CCDC172: variants seen among roughly 807,000 people sequenced by gnomAD.
The protein encoded by CCDC172 is coiled-coil domain-containing protein 172.
CCDC172 carries 30 observed loss-of-function variants against 38.0 expected under a neutral mutation model. The observed-to-expected ratio is 0.79, with a 90% CI of 0.59 to 1.07. The LOEUF (loss-of-function observed/expected upper bound fraction) is 1.07, where lower values mean the gene tolerates loss of function less well. Ranked by LOEUF, CCDC172 falls within the 50% of genes least tolerant of loss-of-function variation. CCDC172 has a pLI of 0.00. For synonymous variants in CCDC172, 78 were observed against 88.3 expected (o/e 0.88, Z 0.66); for missense variants, 297 against 290.1 (o/e 1.02, Z -0.17).
chr10:116,368,638 C>T (rs1804226669), intron 7 of CCDC172, among the ~76,000 whole-genome samples: 2 of 151,876 alleles, frequency 1.3e-5, no homozygotes, highest in African/African-American at 4.8e-5. Context: ...TCTTCTTTTA[C>T]ATACCTCCCT....
intron 8 of CCDC172, among the ~76,000 whole-genome samples, chr10:116,379,101 T>C (rs999281358): frequency 6.6e-6 from 1 of 152,176 alleles, no homozygotes; most frequent in African/African-American, 2.4e-5. Flanking sequence ...TCTTAAAATG[T>C]AGTTTTAATT....
At chr10:116,364,334 G>A (rs570387559) in intron 7 of CCDC172, among the ~76,000 whole-genome samples, 2 of 152,172 alleles carry the variant, frequency 1.3e-5, no homozygotes, top group South Asian at 2.1e-4. Flanking sequence ...ACTTATACAT[G>A]GCTGGTGGCA....
At chr10:116,373,039 AAAG>A (rs1845204641) in intron 7 of CCDC172, among the ~76,000 whole-genome samples, 1 of 152,164 alleles carries the variant, frequency 6.6e-6, no homozygotes, top group Non-Finnish European at 1.5e-5. Flanking sequence ...AGTTTTTCAG[AAAG>A]AAGGACTATA....
At chr10:116,365,514 CATCCAT>C (rs1198403176) in intron 7 of CCDC172, among the ~76,000 whole-genome samples, 1 of 152,140 alleles carries the variant, frequency 6.6e-6, no homozygotes, top group Non-Finnish European at 1.5e-5. Flanking sequence ...TCAATAGCAG[CATCCAT>C]AGTATATTGT....
chr10:116,324,989 G>T lies in CCDC172; in HGVS notation c.-23G>T, dbSNP rs774999350. 12 of 1,593,488 alleles carry T rather than the reference G, an allele frequency of 7.5e-6. No individual in the cohort carries two copies. Among genetic ancestry groups the T allele is most frequent in the Non-Finnish European group, 3.4e-6 (4 of 1,161,398 alleles). On this transcript the variant is annotated 5_prime_UTR_variant, in exon 2 of 9. Coordinates refer to ENST00000333254, the MANE Select transcript of CCDC172 (RefSeq NM_198515.3). Reference sequence around the variant, plus strand: ...ATAAAATATTTAAGGGCGAGAAAAGGATCGCAGGAGCCAGGCCCTGAGATG... The same window carrying T: ...ATAAAATATTTAAGGGCGAGAAAAGTATCGCAGGAGCCAGGCCCTGAGATG...
chr10:116,353,273 A>G (rs1025414957), intron 5 of CCDC172, among the ~76,000 whole-genome samples: 15 of 152,174 alleles, frequency 9.9e-5, no homozygotes, highest in Admixed American at 3.9e-4. Context: ...AGCTAAATGT[A>G]AGAGCTAAAA....
intron 3 of CCDC172, 69 bp from the exon 4 acceptor site, chr10:116,340,665 T>C: frequency 2.7e-6 from 2 of 743,662 alleles, no homozygotes; most frequent in Non-Finnish European, 4.6e-6. Context: ...AAATCTTCTC[T>C]GTTACCTAAG....
intron 7 of CCDC172, among the ~76,000 whole-genome samples, chr10:116,365,588 T>C (rs1384700502): frequency 1.3e-5 from 2 of 152,236 alleles, no homozygotes; most frequent in African/African-American, 4.8e-5. Flanking sequence ...AGGGTTTTTA[T>C]ACATGTGTAA....
chr10:116,355,412 CTT>C (rs1844984137), intron 5 of CCDC172, among the ~76,000 whole-genome samples: 2 of 152,162 alleles, frequency 1.3e-5, no homozygotes, highest in African/African-American at 4.8e-5. Context: ...GCTACCCCAT[CTT>C]AGTGAGTGTG....
Position 116,325,533 on chromosome 10 carries a change from G to T in CCDC172, c.165+145G>T, listed in dbSNP as rs537340688. The stretch of plus-strand genomic sequence containing the variant: ...TGGCTGTTTTAGTTCCATGTTGCCT[G>T]GTGATGTTTAAAGTTCTGAATCCCG... On this transcript the variant is annotated intron_variant, in intron 3 of 8. Transcript: ENST00000333254. 8 of 613,622 alleles carry T rather than the reference G, an allele frequency of 1.3e-5. No individual in the cohort carries two copies. The East Asian group carries it at 2.0e-4, about 15-fold the overall frequency. The allele number at this position is 613,622 out of a possible 1,614,324, so 38.0% of individuals were successfully genotyped here. A position where few individuals can be genotyped will look rare whatever the true frequency, so the allele number is the denominator to read the frequency against.
intron 3 of CCDC172, among the ~76,000 whole-genome samples, chr10:116,325,800 A>G (rs941990755): frequency 3.3e-5 from 5 of 152,224 alleles, no homozygotes; most frequent in African/African-American, 1.2e-4. Flanking sequence ...TTTAGTTTTA[A>G]AAGTCTCTAC....
chr10:116,343,305 A>G (rs1232020517), intron 5 of CCDC172, among the ~76,000 whole-genome samples: 1 of 152,112 alleles, frequency 6.6e-6, no homozygotes, highest in Non-Finnish European at 1.5e-5. Flanking sequence ...CCAATATACT[A>G]TGGTGAGATA....
intron 3 of CCDC172, among the ~76,000 whole-genome samples, chr10:116,339,367 A>G (rs1179979474): frequency 6.6e-6 from 1 of 151,926 alleles, no homozygotes; most frequent in East Asian, 1.9e-4. Context: ...AAATAGTCAC[A>G]AAATATTTTT....
rs1845018836 is a variant in CCDC172 at position 116,357,896 on chromosome 10, TA to T, written c.616del (p.Ile206SerfsTer12). The stretch of plus-strand genomic sequence containing the variant: ...ACCAAATATCTAGAGGCAGAAAAAA[TA>T]AAAATCAGTGAAAAGCCTCAAAATG... The part of the protein sequence containing the change: ...CTTKYLEAEK[I>X]KISEKPQNDT... On this transcript the variant is annotated frameshift_variant, in exon 7 of 9. Coordinates refer to ENST00000333254, the MANE Select transcript of CCDC172 (RefSeq NM_198515.3). LOFTEE classifies it high-confidence loss of function. 6.3e-7 allele frequency: 1 copy of T among 1,580,018 alleles called. No individual in the cohort carries two copies. The highest frequency in any genetic ancestry group is 8.6e-7 in the Non-Finnish European group (1 of 1,163,096).
At chr10:116,369,188 GTTCTT>G (rs1845158776) in intron 7 of CCDC172, among the ~76,000 whole-genome samples, 1 of 151,788 alleles carries the variant, frequency 6.6e-6, no homozygotes, top group Non-Finnish European at 1.5e-5. Flanking sequence ...TAACTCAAGT[GTTCTT>G]TTCGTCTAAC....
chr10:116,377,273 A>G (rs1234059241), intron 7 of CCDC172, among the ~76,000 whole-genome samples: 1 of 152,184 alleles, frequency 6.6e-6, no homozygotes, highest in Non-Finnish European at 1.5e-5. Flanking sequence ...AGACTGCCTT[A>G]TGTTGGTTCA....
intron 7 of CCDC172, among the ~76,000 whole-genome samples, chr10:116,374,765 C>T (rs879763467): frequency 1.2e-4 from 18 of 151,488 alleles, no homozygotes; most frequent in Non-Finnish European, 2.2e-4. Context: ...ATATGAATAA[C>T]TATATTAAAT....
chr10:116,357,862 A>G lies in CCDC172; in HGVS notation c.577A>G (p.Ile193Val). 1 of 1,539,918 alleles carries G rather than the reference A, an allele frequency of 6.5e-7. No homozygotes were observed. The highest frequency in any genetic ancestry group is 8.8e-7 in the Non-Finnish European group (1 of 1,136,034). The change falls in exon 7 of 9, where the codon ATT becomes GTT. Residue 193 changes from isoleucine to valine, a missense_variant. Transcript: ENST00000333254. The stretch of plus-strand genomic sequence containing the variant: ...TTTTGAAGATGAAGAGAATGAATCC[A>G]TTTGTACTACCAAATATCTAGAGGC... ...KVFEDEENES[I>V]CTTKYLEAEK...
chr10:116,347,890 A>T (rs1225871885), intron 5 of CCDC172, among the ~76,000 whole-genome samples: 1 of 151,988 alleles, frequency 6.6e-6, no homozygotes, highest in African/African-American at 2.4e-5. Context: ...CATATTTCCA[A>T]CTGTAATCTA....
Sources: gnomAD v4.1 joint callset for allele counts (sites outside exome capture counted in the v4.1 genomes callset) on GRCh38, gnomAD v4.1.1 for gene constraint, MANE v1.5 for transcripts, NCBI Gene and HGNC (gene_info 2026-07-23, HGNC 2026-07-21) for gene names.